NPAS3: variants seen among roughly 807,000 people sequenced by gnomAD.
The protein encoded by NPAS3 is neuronal PAS domain protein 3, also known as neuronal PAS domain-containing protein 3.
In NPAS3, 14 loss-of-function variants were observed where a neutral mutation model predicts 73.1. That is an observed-to-expected ratio of 0.19 (90% confidence interval 0.13 to 0.30). The LOEUF (loss-of-function observed/expected upper bound fraction) is 0.30. NPAS3 is among the 10% of genes least tolerant of loss of function. The pLI is 1.00. For missense variants in NPAS3, 1,096 were observed against 1,250.0 expected (o/e 0.88, Z 1.86); for synonymous variants, 620 against 541.5 (o/e 1.14, Z -2.01).
At chr14:33,339,040 G>A (rs2044354429) in intron 3 of NPAS3, among the ~76,000 whole-genome samples, 1 of 152,152 alleles carries the variant, frequency 6.6e-6, no homozygotes, top group Non-Finnish European at 1.5e-5. Flanking sequence ...TATTTTGTGA[G>A]TAATAATTTT....
At chr14:33,031,470 T>G (rs1386144267) in intron 1 of NPAS3, among the ~76,000 whole-genome samples, 1 of 152,156 alleles carries the variant, frequency 6.6e-6, no homozygotes, top group Non-Finnish European at 1.5e-5. Context: ...CATTTGTAGT[T>G]GTTAACTCAC....
intron 1 of NPAS3, among the ~76,000 whole-genome samples, chr14:33,048,405 T>C (rs1458680207): frequency 6.6e-6 from 1 of 152,220 alleles, no homozygotes; most frequent in Admixed American, 6.5e-5. Context: ...CATTTTACAC[T>C]GGAAATTACT....
intron 5 of NPAS3, among the ~76,000 whole-genome samples, chr14:33,667,106 AT>A (rs1465822118): frequency 2.0e-5 from 3 of 152,360 alleles, no homozygotes; most frequent in Non-Finnish European, 4.4e-5. Context: ...TGCAATCAGT[AT>A]AAAACATGAC....
chr14:33,792,581 C>CA (rs199708187), intron 9 of NPAS3, among the ~76,000 whole-genome samples: 1,850 of 126,120 alleles, frequency 0.015, 46 homozygotes, highest in African/African-American at 0.043. Context: ...CACCCCCCTC[C>CA]AAAAAAAAAA....
At chr14:33,002,525 G>A (rs541902969) in intron 1 of NPAS3, among the ~76,000 whole-genome samples, 1 of 152,310 alleles carries the variant, frequency 6.6e-6, no homozygotes, top group East Asian at 1.9e-4. Context: ...CAAGGAGCCT[G>A]CTTTTTTCAG....
chr14:33,622,485 AT>A (rs2058103456), intron 5 of NPAS3, among the ~76,000 whole-genome samples: 1 of 152,276 alleles, frequency 6.6e-6, no homozygotes, highest in East Asian at 1.9e-4. Flanking sequence ...AATGAACCTG[AT>A]GTTTCCCTCA....
In NPAS3 at chr14:33,457,085, A is replaced by G. The variant is rs139472449; in HGVS notation, c.468+89817A>G. Among the ~76,000 whole-genome samples, 3 of 152,356 alleles carry G rather than the reference A, an allele frequency of 2.0e-5. No individual in the cohort carries two copies. In the East Asian group the frequency reaches 5.8e-4, roughly 29 times the overall value. ...ATATCTTCCTGAAACTGAAGGGCAA[A>G]GGATTAATGCCAGGTGAAGGGCGAG... On this transcript the variant is annotated intron_variant, in intron 4 of 11. Coordinates refer to ENST00000356141, the Ensembl canonical transcript of NPAS3.
intron 1 of NPAS3, among the ~76,000 whole-genome samples, chr14:33,049,545 C>A (rs975614942): frequency 5.3e-5 from 8 of 152,152 alleles, no homozygotes; most frequent in African/African-American, 9.7e-5. Flanking sequence ...ATTTTAAAAC[C>A]ATGAGATCTT....
intron 4 of NPAS3, among the ~76,000 whole-genome samples, chr14:33,463,318 TGTATCAC>T (rs1384257197): frequency 1.3e-5 from 2 of 152,200 alleles, no homozygotes; most frequent in Non-Finnish European, 2.9e-5. Context: ...ATTATATATT[TGTATCAC>T]CTCAAATCTT....
At chr14:33,478,293 TG>T (rs1370766831) in intron 4 of NPAS3, among the ~76,000 whole-genome samples, 1 of 152,190 alleles carries the variant, frequency 6.6e-6, no homozygotes, top group East Asian at 1.9e-4. Flanking sequence ...TGGGAATTTT[TG>T]TTGACTTTAG....
intron 5 of NPAS3, among the ~76,000 whole-genome samples, chr14:33,663,423 A>G (rs939204543): frequency 5.9e-5 from 9 of 152,006 alleles, no homozygotes; most frequent in African/African-American, 2.2e-4. Flanking sequence ...AGCCAACTTG[A>G]TCTTGGTGGA....
At chr14:33,288,555 G>A (rs2041971266) in intron 3 of NPAS3, among the ~76,000 whole-genome samples, 1 of 151,938 alleles carries the variant, frequency 6.6e-6, no homozygotes, top group East Asian at 1.9e-4. Flanking sequence ...ATGATGTTGA[G>A]TGAAAGAACC....
intron 4 of NPAS3, among the ~76,000 whole-genome samples, chr14:33,532,885 T>G (rs2140187487): frequency 6.6e-6 from 1 of 152,230 alleles, no homozygotes; most frequent in East Asian, 1.9e-4. Context: ...TTCATTGTCC[T>G]AGAAAACCAT....
In NPAS3 at chr14:33,301,163, C is replaced by T. The variant is rs376311512; in HGVS notation, c.386-66023C>T. 2.3e-4 allele frequency among the ~76,000 whole-genome samples: 35 copies of T among 151,686 alleles called. 1 individual carries two copies. The highest frequency in any genetic ancestry group is 9.7e-4 in the East Asian group (5 of 5,164). ...TCCTCTGCTGCCACTTCTCAACATCCACCTGTGGGAATATTATGAGATTCA... is the reference window on the plus strand; with the variant it reads ...TCCTCTGCTGCCACTTCTCAACATCTACCTGTGGGAATATTATGAGATTCA... On this transcript the variant is annotated intron_variant, in intron 3 of 11. Coordinates refer to ENST00000356141, the Ensembl canonical transcript of NPAS3.
chr14:33,551,915 G>T (rs2055135774), intron 4 of NPAS3, among the ~76,000 whole-genome samples: 1 of 152,180 alleles, frequency 6.6e-6, no homozygotes, highest in South Asian at 2.1e-4. Context: ...GTCATCCAGG[G>T]GTCCCCACTG....
intron 3 of NPAS3, among the ~76,000 whole-genome samples, chr14:33,264,020 C>T (rs1254521785): frequency 6.6e-6 from 1 of 152,078 alleles, no homozygotes; most frequent in Non-Finnish European, 1.5e-5. Flanking sequence ...TTGGAACCAG[C>T]CCAAATGTCC....
intron 3 of NPAS3, among the ~76,000 whole-genome samples, chr14:33,238,980 C>T (rs572937237): frequency 5.9e-4 from 89 of 152,042 alleles, no homozygotes; most frequent in African/African-American, 2.0e-3. Flanking sequence ...TATCAGTTGT[C>T]CTTCACATTT....
chr14:33,028,947 G>A (rs79292150), intron 1 of NPAS3, among the ~76,000 whole-genome samples: 327 of 152,240 alleles, frequency 2.1e-3, no homozygotes, highest in African/African-American at 7.6e-3. Context: ...TAAGCCCAGT[G>A]TGCATTAGCT....
chr14:33,791,853 A>G (rs558018312), intron 9 of NPAS3, among the ~76,000 whole-genome samples: 10 of 152,244 alleles, frequency 6.6e-5, no homozygotes, highest in Admixed American at 5.2e-4. Context: ...TGTGATTCTA[A>G]AAAGGGGCTT....
Sources: allele counts gnomAD v4.1 joint callset (sites outside exome capture counted in the v4.1 genomes callset), GRCh38; gene constraint gnomAD v4.1.1; transcripts MANE v1.5; gene names NCBI Gene and HGNC (gene_info 2026-07-23, HGNC 2026-07-21).